EPHA3: variants seen among roughly 807,000 people sequenced by gnomAD.
EPHA3 encodes EPH receptor A3, also known as ephrin type-A receptor 3.
A neutral mutation model predicts 107.1 loss-of-function variants in EPHA3; 42 were observed. The observed-to-expected ratio is 0.39, with a 90% CI of 0.31 to 0.51. EPHA3 has a LOEUF of 0.51. EPHA3 is among the 20% of genes least tolerant of loss of function. EPHA3 has a pLI of 0.78. For synonymous variants in EPHA3, 461 were observed against 424.8 expected, an observed-to-expected ratio of 1.09 and a Z score of -1.05; for missense variants, 1,183 against 1,211.2, an observed-to-expected ratio of 0.98 and a Z score of 0.35.
Position 89,274,539 on chromosome 3 carries a change from C to A in EPHA3, c.814+64019C>A, listed in dbSNP as rs1353700231. ...ATTTTCTAATGAGTAAGGAATAATACCCTCATCTGAAAGCCATAGATTTAT... is the reference window on the plus strand; with the variant it reads ...ATTTTCTAATGAGTAAGGAATAATAACCTCATCTGAAAGCCATAGATTTAT... On this transcript the variant is annotated intron_variant, in intron 3 of 16. Transcript: ENST00000336596. Among the ~76,000 whole-genome samples the A allele has an allele frequency of 2.6e-5, 4 of 151,764 alleles. No individual in the cohort carries two copies. The East Asian group carries it at 5.8e-4, about 22-fold the overall frequency.
intron 2 of EPHA3, among the ~76,000 whole-genome samples, chr3:89,148,165 A>G (rs1332211141): frequency 1.3e-5 from 2 of 151,992 alleles, no homozygotes; most frequent in Non-Finnish European, 2.9e-5. Flanking sequence ...GCATTTGTGC[A>G]TGTGTGTCTG....
chr3:89,219,698 TTTTTGTTTTTTG>T (rs1320138446), intron 3 of EPHA3, among the ~76,000 whole-genome samples: 981 of 12,500 alleles, frequency 0.078, 222 homozygotes, highest in African/African-American at 0.21. Flanking sequence ...GTTTTTTTTT[TTTTTGTTTTTTG>T]TTTTTTTTTT....
chr3:89,428,462 C>A (rs1709500060), intron 11 of EPHA3, among the ~76,000 whole-genome samples: 1 of 152,084 alleles, frequency 6.6e-6, no homozygotes, highest in South Asian at 2.1e-4. Context: ...CTGGTTATTA[C>A]AAGTTACTGC....
rs139295721 is a variant in EPHA3 at position 89,273,622 on chromosome 3, G to A, written c.814+63102G>A. Among the ~76,000 whole-genome samples the A allele has an allele frequency of 5.3e-3, 806 of 151,970 alleles. 3 individuals are homozygous for A. Among genetic ancestry groups the A allele is most frequent in the Non-Finnish European group, 8.1e-3 (549 of 67,882 alleles). ...GGTAGTTATATTGTATAAAGTTGCT[G>A]TGACTATTGAATTGCTGCTCCTAGG... is the stretch of plus-strand genomic sequence containing the variant. On this transcript the variant is annotated intron_variant, in intron 3 of 16. Transcript: ENST00000336596.
intron 3 of EPHA3, among the ~76,000 whole-genome samples, chr3:89,318,053 AT>A (rs1706949440): frequency 6.6e-6 from 1 of 151,858 alleles, no homozygotes; most frequent in Non-Finnish European, 1.5e-5. Flanking sequence ...GGCATCAATA[AT>A]ATAGCAGCAT....
At chr3:89,347,599 C>T (rs1193755589) in intron 5 of EPHA3, among the ~76,000 whole-genome samples, 1 of 149,854 alleles carries the variant, frequency 6.7e-6, no homozygotes, top group Admixed American at 6.7e-5. Flanking sequence ...AATTGAATAC[C>T]CTTTATTTCC....
intron 5 of EPHA3, 88 bp from the exon 6 acceptor site, chr3:89,395,749 T>C: frequency 6.8e-7 from 1 of 1,480,836 alleles, no homozygotes; most frequent in African/African-American, 1.4e-5. Flanking sequence ...CATTTGCATG[T>C]TCCCTTCTCC....
At chr3:89,130,599 A>C (rs574698084) in intron 2 of EPHA3, among the ~76,000 whole-genome samples, 1 of 140,540 alleles carries the variant, frequency 7.1e-6, no homozygotes, top group East Asian at 2.0e-4. Context: ...CACCTAGGTA[A>C]TTTTCTTGGG....
chr3:89,473,833 G>A (rs1710455438), intron 16 of EPHA3, among the ~76,000 whole-genome samples: 1 of 152,102 alleles, frequency 6.6e-6, no homozygotes, highest in African/African-American at 2.4e-5. Context: ...ATAAGATGGA[G>A]AACTGTCCCA....
chr3:89,444,662 C>A (rs1243964097), intron 13 of EPHA3, among the ~76,000 whole-genome samples: 1 of 151,910 alleles, frequency 6.6e-6, no homozygotes, highest in Admixed American at 6.6e-5. Context: ...TTATTGAATG[C>A]TCTATTAAGG....
chr3:89,156,362 A>G (rs964269763), intron 2 of EPHA3, among the ~76,000 whole-genome samples: 2 of 152,032 alleles, frequency 1.3e-5, no homozygotes, highest in African/African-American at 4.8e-5. Context: ...TTAAAATTGG[A>G]AAAACTTGAA....
chr3:89,203,883 A>G (rs1343008766), intron 2 of EPHA3, among the ~76,000 whole-genome samples: 3 of 152,174 alleles, frequency 2.0e-5, no homozygotes, highest in Non-Finnish European at 2.9e-5. Flanking sequence ...GTCTAGGGGT[A>G]TTAAGGAACT....
At chr3:89,382,524 A>G (rs1198203728) in intron 5 of EPHA3, among the ~76,000 whole-genome samples, 6 of 152,106 alleles carry the variant, frequency 3.9e-5, no homozygotes, top group East Asian at 1.9e-4. Flanking sequence ...AAAAAAAAAA[A>G]AGAGAATATT....
intron 3 of EPHA3, among the ~76,000 whole-genome samples, chr3:89,255,214 T>C (rs34046877): frequency 0.24 from 36,872 of 152,124 alleles, 4,912 homozygotes; most frequent in African/African-American, 0.37. Context: ...CGGAAGTCTA[T>C]GGTAGCATTT....
At chr3:89,130,083 C>T (rs1326267816) in intron 2 of EPHA3, among the ~76,000 whole-genome samples, 1 of 151,828 alleles carries the variant, frequency 6.6e-6, no homozygotes, top group Admixed American at 6.6e-5. Flanking sequence ...TTTTATTTTG[C>T]CTCGGTGGGA....
At chr3:89,143,365 T>A (rs536546048) in intron 2 of EPHA3, among the ~76,000 whole-genome samples, 1 of 151,586 alleles carries the variant, frequency 6.6e-6, no homozygotes, top group African/African-American at 2.4e-5. Context: ...TCTAGGTGAT[T>A]AAGAATCAGT....
chr3:89,274,193 T>G (rs1705749211), intron 3 of EPHA3, among the ~76,000 whole-genome samples: 1 of 151,954 alleles, frequency 6.6e-6, no homozygotes, highest in Non-Finnish European at 1.5e-5. Flanking sequence ...AGATCAACTT[T>G]GTTATTTTCT....
intron 3 of EPHA3, among the ~76,000 whole-genome samples, chr3:89,311,443 G>A (rs1706763956): frequency 6.6e-6 from 1 of 151,982 alleles, no homozygotes; most frequent in East Asian, 1.9e-4. Flanking sequence ...GACAAAAGGT[G>A]GTGGTGTGAT....
chr3:89,437,481 G>T (rs1709695957), intron 13 of EPHA3, among the ~76,000 whole-genome samples: 1 of 151,378 alleles, frequency 6.6e-6, no homozygotes. Context: ...ATGTGACTTT[G>T]AAAGTATAAT....
Sources: allele counts gnomAD v4.1 joint callset (sites outside exome capture counted in the v4.1 genomes callset), GRCh38; gene constraint gnomAD v4.1.1; transcripts MANE v1.5; gene names NCBI Gene and HGNC (gene_info 2026-07-23, HGNC 2026-07-21).